SDK2: variants seen among roughly 807,000 people sequenced by gnomAD.
SDK2 encodes protein sidekick-2.
Under a neutral mutation model 253.9 loss-of-function variants are expected in SDK2, and 105 were observed. The observed-to-expected ratio is 0.41, with a 90% CI of 0.35 to 0.49. SDK2 has a LOEUF of 0.49. Ranked by LOEUF, SDK2 falls within the 20% of genes least tolerant of loss-of-function variation. The probability of loss-of-function intolerance (pLI) is 0.06; values close to 1 mark genes in which losing one functional copy is unlikely to be tolerated. For synonymous variants in SDK2, 1,249 were observed against 1,234.9 expected, an observed-to-expected ratio of 1.01 and a Z score of -0.24; for missense variants, 2,608 against 3,003.0, an observed-to-expected ratio of 0.87 and a Z score of 3.07.
chr17:73,500,873 C>T (rs928965216), intron 2 of SDK2, among the ~76,000 whole-genome samples: 1 of 151,942 alleles, frequency 6.6e-6, no homozygotes, highest in African/African-American at 2.4e-5. Flanking sequence ...CATCCTCCAT[C>T]CATCCTCCCT....
At chr17:73,532,103 G>A (rs1450654008) in intron 1 of SDK2, among the ~76,000 whole-genome samples, 1 of 152,176 alleles carries the variant, frequency 6.6e-6, no homozygotes, top group Non-Finnish European at 1.5e-5. Context: ...GGCGATGTCC[G>A]GAGATGTTTT....
chr17:73,421,710 C>T (rs2063232833), intron 15 of SDK2, among the ~76,000 whole-genome samples: 1 of 14,292 alleles, frequency 7.0e-5, no homozygotes, highest in Non-Finnish European at 2.3e-4. Context: ...TACAGGCGCC[C>T]ACCACCACAC....
At chr17:73,423,777 G>A (rs1049358452) in intron 13 of SDK2, 139 bp downstream of exon 13, 2 of 793,266 alleles carry the variant, frequency 2.5e-6, no homozygotes, top group African/African-American at 3.5e-5. Flanking sequence ...AGGATGCTGG[G>A]GGTATGTCCT....
In SDK2 at chr17:73,570,702, G is replaced by A. The variant is rs2045373077; in HGVS notation, c.65-63105C>T. On this transcript the variant is annotated intron_variant, in intron 1 of 44. Transcript: ENST00000392650. The surrounding 1 kb of genome is among the most constrained non-coding windows in gnomAD (Gnocchi z 4.2). ...AAGGCTGAGGCTCAGAGAAGATCAAGTCCTTGCCCGTGGCAGAACTCATAT... is the reference window on the plus strand; with the variant it reads ...AAGGCTGAGGCTCAGAGAAGATCAAATCCTTGCCCGTGGCAGAACTCATAT... 6.6e-6 allele frequency among the ~76,000 whole-genome samples: 1 copy of A among 152,224 alleles called. No individual in the cohort carries two copies. Among genetic ancestry groups the A allele is most frequent in the Non-Finnish European group, 1.5e-5 (1 of 68,038 alleles).
intron 21 of SDK2, 26 bp downstream of exon 21, chr17:73,400,994 G>C (rs771855126): frequency 1.3e-6 from 2 of 1,550,138 alleles, no homozygotes; most frequent in South Asian, 2.4e-5. Flanking sequence ...AACTCAAAGA[G>C]TCCTGCCTTG....
chr17:73,632,406 T>C (rs1309842361), intron 1 of SDK2, among the ~76,000 whole-genome samples: 2 of 152,242 alleles, frequency 1.3e-5, no homozygotes, highest in Admixed American at 6.5e-5. Flanking sequence ...AGAGGTTTCC[T>C]GCCCTTGAAC....
Position 73,338,455 on chromosome 17 carries a change from C to T in SDK2, c.*132G>A, listed in dbSNP as rs1346088800. ...GCCGGCTTTGCTGGCCCTGGAATCT[C>T]TGGAAAAATAAACTCAGGAGGTGAA... On this transcript the variant is annotated 3_prime_UTR_variant, in exon 45 of 45. Coordinates refer to ENST00000392650, the MANE Select transcript of SDK2 (RefSeq NM_001144952.2). The surrounding 1 kb of genome is among the most constrained non-coding windows in gnomAD (Gnocchi z 5.0). 1 of 716,368 alleles carries T rather than the reference C, an allele frequency of 1.4e-6. No individual in the cohort carries two copies. Among genetic ancestry groups the T allele is most frequent in the East Asian group, 2.7e-5 (1 of 37,246 alleles). The allele number at this position is 716,368 out of a possible 1,614,324, so 44.4% of individuals were successfully genotyped here. A position where few individuals can be genotyped will look rare whatever the true frequency, so the allele number is the denominator to read the frequency against.
chr17:73,423,342 CA>C lies in SDK2; in HGVS notation c.1897+43del, dbSNP rs1180389265. 6 of 1,364,470 alleles carry C rather than the reference CA, an allele frequency of 4.4e-6. No individual in the cohort carries two copies. In the African/African-American group the frequency reaches 7.4e-5, roughly 17 times the overall value. The allele number at this position is 1,364,470 out of a possible 1,614,324, so 84.5% of individuals were successfully genotyped here. A position where few individuals can be genotyped will look rare whatever the true frequency, so the allele number is the denominator to read the frequency against. ...CCAGCCCAGGGCTGACTCCTAAGTC[CA>C]AGCTTGGGCGGGAGGTGTTGGAGGT... On this transcript the variant is annotated intron_variant, in intron 14 of 44. Transcript: ENST00000392650.
At chr17:73,437,925 A>C (rs1224869238) in intron 7 of SDK2, 39 bp downstream of exon 7, 1 of 1,573,860 alleles carries the variant, frequency 6.4e-7, no homozygotes, top group African/African-American at 1.4e-5. Context: ...TGCTGCCCCT[A>C]CCCCTCAGGG....
chr17:73,569,110 C>T (rs1034105870), intron 1 of SDK2, among the ~76,000 whole-genome samples: 8 of 152,230 alleles, frequency 5.3e-5, no homozygotes, highest in Admixed American at 4.6e-4. Flanking sequence ...TGTTGAGTAA[C>T]TCACCTAAGA....
At chr17:73,561,377 G>A (rs915834040) in intron 1 of SDK2, among the ~76,000 whole-genome samples, 6 of 152,240 alleles carry the variant, frequency 3.9e-5, no homozygotes, top group African/African-American at 1.2e-4. Context: ...GGCTAGGGTA[G>A]GGAGAGAAGA....
chr17:73,556,800 G>C (rs1423495027), intron 1 of SDK2, among the ~76,000 whole-genome samples: 1 of 152,160 alleles, frequency 6.6e-6, no homozygotes, highest in Non-Finnish European at 1.5e-5. Flanking sequence ...GCTCTGCCCT[G>C]TATTGCTTTT....
chr17:73,637,547 T>C (rs2046346983), intron 1 of SDK2, among the ~76,000 whole-genome samples: 1 of 152,024 alleles, frequency 6.6e-6, no homozygotes, highest in Non-Finnish European at 1.5e-5. Context: ...CCTGGTTAAT[T>C]TTTGTATTTT....
At chr17:73,533,842 C>A (rs971092190) in intron 1 of SDK2, among the ~76,000 whole-genome samples, 1 of 152,174 alleles carries the variant, frequency 6.6e-6, no homozygotes, top group East Asian at 1.9e-4. Flanking sequence ...ACTCTGCCCC[C>A]AAAGAAGGGT....
chr17:73,451,634 C>G (rs2063490525), intron 4 of SDK2, among the ~76,000 whole-genome samples: 1 of 152,134 alleles, frequency 6.6e-6, no homozygotes, highest in South Asian at 2.1e-4. Context: ...ACTGGGACCC[C>G]CAGGGCCTGA....
intron 12 of SDK2, among the ~76,000 whole-genome samples, chr17:73,429,178 A>G (rs2145603675): frequency 6.6e-6 from 1 of 152,326 alleles, no homozygotes; most frequent in African/African-American, 2.4e-5. Flanking sequence ...TGAATGCTAA[A>G]AGTATAGCTA....
intron 37 of SDK2, 69 bp downstream of exon 37, chr17:73,368,338 C>G (rs1178517897): frequency 1.5e-6 from 2 of 1,310,470 alleles, no homozygotes. Flanking sequence ...AGCCCGGATG[C>G]CAGGTAGGTC....
intron 5 of SDK2, among the ~76,000 whole-genome samples, chr17:73,444,382 G>T (rs1941613581): frequency 6.6e-6 from 1 of 152,164 alleles, no homozygotes; most frequent in Non-Finnish European, 1.5e-5. Context: ...GGTAAATGGG[G>T]CTCCAAAGGC....
At chr17:73,372,756 A>G (rs910147429) in intron 36 of SDK2, among the ~76,000 whole-genome samples, 4 of 151,970 alleles carry the variant, frequency 2.6e-5, no homozygotes, top group African/African-American at 4.8e-5. Context: ...AAACAAACAA[A>G]CAAAAAAATC....
Sources: gnomAD v4.1 joint callset for allele counts (sites outside exome capture counted in the v4.1 genomes callset) on GRCh38, gnomAD v4.1.1 for gene constraint, Gnocchi (gnomAD v3.1) non-coding constraint, MANE v1.5 for transcripts, NCBI Gene and HGNC (gene_info 2026-07-23, HGNC 2026-07-21) for gene names.